A1CF: variants seen among roughly 807,000 people sequenced by gnomAD.
The protein encoded by A1CF is APOBEC-1 stimulating protein.
In A1CF, 48 loss-of-function variants were observed where a neutral mutation model predicts 68.9. That is an observed-to-expected ratio of 0.70 (90% confidence interval 0.55 to 0.89). The LOEUF (loss-of-function observed/expected upper bound fraction) is 0.89, where lower values mean the gene tolerates loss of function less well. Ranked by LOEUF, A1CF falls within the 40% of genes least tolerant of loss-of-function variation. The pLI, the probability that A1CF is intolerant of heterozygous loss-of-function variation, is 0.00. For missense variants in A1CF, 653 were observed against 718.9 expected, an observed-to-expected ratio of 0.91 and a Z score of 1.05; for synonymous variants, 272 against 260.4, an observed-to-expected ratio of 1.04 and a Z score of -0.43.
chr10:50,855,360 A>T lies in A1CF; in HGVS notation c.99+4482T>A, dbSNP rs190937525. Reference sequence around the variant, plus strand: ...TTACACAGAGACAAAGACTGTTCACATGTTAATACTGCAGCACACTTCCTT... The same window carrying T: ...TTACACAGAGACAAAGACTGTTCACTTGTTAATACTGCAGCACACTTCCTT... On this transcript the variant is annotated intron_variant, in intron 3 of 12. Coordinates refer to ENST00000373997, the MANE Select transcript of A1CF (RefSeq NM_014576.4). Among the ~76,000 whole-genome samples the T allele has an allele frequency of 3.0e-3, 454 of 152,142 alleles. 3 individuals carry two copies. Among genetic ancestry groups the T allele is most frequent in the Non-Finnish European group, 4.6e-3 (313 of 67,894 alleles).
chr10:50,854,925 G>T (rs1033576448), intron 3 of A1CF, among the ~76,000 whole-genome samples: 1 of 151,696 alleles, frequency 6.6e-6, no homozygotes, highest in Non-Finnish European at 1.5e-5. Context: ...GATAAACAAA[G>T]CTAATACACA....
At chr10:50,847,398 T>A (rs79195009) in intron 3 of A1CF, among the ~76,000 whole-genome samples, 1 of 152,248 alleles carries the variant, frequency 6.6e-6, no homozygotes, top group African/African-American at 2.4e-5. Context: ...GTTACTCAGT[T>A]TATATGTCAA....
Position 50,844,052 on chromosome 10 carries a change from T to G in A1CF, c.170A>C (p.Glu57Ala), listed in dbSNP as rs1238179327. 4 of 1,613,938 alleles carry G rather than the reference T, an allele frequency of 2.5e-6. No homozygotes were observed. Among genetic ancestry groups the G allele is most frequent in the African/African-American group, 1.3e-5 (1 of 75,050 alleles). The change falls in exon 4 of 13, where the codon GAA becomes GCA. Residue 57 changes from glutamate to alanine, a missense_variant. By Grantham distance (107) the Glu-to-Ala change is moderately radical. Coordinates refer to ENST00000373997, the MANE Select transcript of A1CF (RefSeq NM_014576.4). ...WDAAPPERGC[E>A]IFIGKLPRDL... is the part of the protein sequence containing the mutation. ...TCGGGGAAGTTTTCCAATAAAAATT[T>G]CACAGCCCCTTTCAGGGGGTGCAGC...
intron 7 of A1CF, among the ~76,000 whole-genome samples, chr10:50,827,099 T>C (rs184849084): frequency 1.3e-5 from 2 of 152,270 alleles, no homozygotes; most frequent in African/African-American, 4.8e-5. Context: ...TAAATATATA[T>C]GCACCCAATA....
chr10:50,827,860 T>A (rs569503185), intron 7 of A1CF, among the ~76,000 whole-genome samples: 3 of 151,790 alleles, frequency 2.0e-5, no homozygotes, highest in African/African-American at 7.3e-5. Context: ...CTGTTTTTTT[T>A]AAAAGATCAA....
chr10:50,828,429 G>A (rs180834405), intron 6 of A1CF, 134 bp from the exon 7 acceptor site: 10 of 609,522 alleles, frequency 1.6e-5, no homozygotes, highest in African/African-American at 1.5e-4. Context: ...TAAAACTGGT[G>A]AGTGTTGATC....
chr10:50,838,531 T>C (rs1275496874), intron 5 of A1CF, among the ~76,000 whole-genome samples: 1 of 152,102 alleles, frequency 6.6e-6, no homozygotes. Flanking sequence ...TTTTAAATGG[T>C]TGTGGTTTGT....
intron 7 of A1CF, 151 bp from the exon 8 acceptor site, chr10:50,820,800 A>AT (rs1032157623): frequency 1.6e-4 from 83 of 534,602 alleles, no homozygotes; most frequent in South Asian, 3.8e-4. Context: ...TCAACAGAAG[A>AT]TTTTTTTTGC....
intron 1 of A1CF, among the ~76,000 whole-genome samples, chr10:50,880,094 C>T (rs1047894322): frequency 3.3e-5 from 5 of 152,170 alleles, no homozygotes; most frequent in Non-Finnish European, 5.9e-5. Context: ...CTCTTGGGTT[C>T]TCATTCTAAC....
chr10:50,804,916 GAT>G lies in A1CF; in HGVS notation c.*1811_*1812del. The G allele has an allele frequency of 6.6e-6, 1 of 152,268 alleles. No individual in the cohort carries two copies. Among genetic ancestry groups the G allele is most frequent in the African/African-American group, 2.4e-5 (1 of 41,552 alleles). 9.4% of individuals were successfully genotyped at this position (152,268 alleles called of 1,614,324 possible). ...GGAAATTCTAGTGTAAATTTTATGA[GAT>G]ATGTTATTGGCATTAGCATTTAAAA... On this transcript the variant is annotated 3_prime_UTR_variant, in exon 13 of 13. Transcript: ENST00000373997.
At chr10:50,866,422 T>A (rs1199005026) in intron 1 of A1CF, among the ~76,000 whole-genome samples, 1 of 152,186 alleles carries the variant, frequency 6.6e-6, no homozygotes, top group East Asian at 1.9e-4. Flanking sequence ...ATAGCTCACC[T>A]CGTCACTTGG....
chr10:50,810,957 C>T (rs1410333741), intron 11 of A1CF, 83 bp downstream of exon 11: 2 of 1,416,894 alleles, frequency 1.4e-6, no homozygotes, highest in South Asian at 3.2e-5. Flanking sequence ...ACCTCAGTAT[C>T]TTGTTTAGAT....
At chr10:50,849,622 T>G (rs886204828) in intron 3 of A1CF, among the ~76,000 whole-genome samples, 1 of 152,162 alleles carries the variant, frequency 6.6e-6, no homozygotes, top group African/African-American at 2.4e-5. Context: ...TGATATTAGA[T>G]GGTTTATAGG....
chr10:50,863,648 A>G (rs1840845198), intron 2 of A1CF, among the ~76,000 whole-genome samples: 1 of 152,168 alleles, frequency 6.6e-6, no homozygotes, highest in African/African-American at 2.4e-5. Context: ...GAGAGGTAAT[A>G]AATAAGATCA....
At position 50,879,793 on chromosome 10, in the gene A1CF, T is replaced by C. The variant is rs369582543; in HGVS notation, c.-94+5788A>G. Among the ~76,000 whole-genome samples the C allele has an allele frequency of 3.7e-4, 57 of 152,296 alleles. 3 individuals are homozygous for C. The South Asian group carries it at 0.011, about 29-fold the overall frequency. Reference sequence around the variant, plus strand: ...TGAGATTTGGGTGGGGACAAAAAGCTAAACCATATCCATGTCTGTGTCTGC... The same window carrying C: ...TGAGATTTGGGTGGGGACAAAAAGCCAAACCATATCCATGTCTGTGTCTGC... On this transcript the variant is annotated intron_variant, in intron 1 of 12. Transcript: ENST00000373997.
At chr10:50,818,849 T>A (rs774435975) in intron 8 of A1CF, among the ~76,000 whole-genome samples, 1 of 152,164 alleles carries the variant, frequency 6.6e-6, no homozygotes, top group Non-Finnish European at 1.5e-5. Context: ...CTGAAGGGCC[T>A]AGGCTAAGAG....
intron 7 of A1CF, among the ~76,000 whole-genome samples, chr10:50,826,758 C>T (rs1395541397): frequency 6.6e-6 from 1 of 152,110 alleles, no homozygotes; most frequent in Admixed American, 6.5e-5. Context: ...ATCATAATGA[C>T]AGGATCAAAT....
chr10:50,875,842 A>G (rs190666270), intron 1 of A1CF, among the ~76,000 whole-genome samples: 1 of 152,198 alleles, frequency 6.6e-6, no homozygotes, highest in African/African-American at 2.4e-5. Flanking sequence ...TATTCCTTCT[A>G]GTATTCTCCT....
chr10:50,818,191 C>T lies in A1CF; in HGVS notation c.868-1912G>A, dbSNP rs79184410. 4.6e-3 allele frequency among the ~76,000 whole-genome samples: 705 copies of T among 152,202 alleles called. 3 individuals carry two copies. Among genetic ancestry groups the T allele is most frequent in the African/African-American group, 0.016 (663 of 41,554 alleles). On this transcript the variant is annotated intron_variant, in intron 8 of 12. Transcript: ENST00000373997. ...TTGGTTGACTATAATAGCTTTATAACTAGTTTCTATGACATGTTTCTCTCA... is the reference window on the plus strand; with the variant it reads ...TTGGTTGACTATAATAGCTTTATAATTAGTTTCTATGACATGTTTCTCTCA...
Sources: allele counts gnomAD v4.1 joint callset (sites outside exome capture counted in the v4.1 genomes callset), GRCh38; gene constraint gnomAD v4.1.1; transcripts MANE v1.5; gene names NCBI Gene and HGNC (gene_info 2026-07-23, HGNC 2026-07-21).